BTBD10: variants seen among roughly 807,000 people sequenced by gnomAD.
BTBD10 encodes the protein BTB domain containing 10, also known as BTB/POZ domain-containing protein 10.
BTBD10 carries 21 observed loss-of-function variants against 53.2 expected under a neutral mutation model. The ratio of observed to expected loss-of-function variants is 0.39; its 90% CI spans 0.28 to 0.57. The LOEUF (loss-of-function observed/expected upper bound fraction) is 0.57. BTBD10 is among the 20% of genes least tolerant of loss of function. BTBD10 has a pLI of 0.53. For missense variants in BTBD10, 360 were observed against 594.7 expected, an observed-to-expected ratio of 0.61 and a Z score of 4.10; for synonymous variants, 149 against 192.7, an observed-to-expected ratio of 0.77 and a Z score of 1.88.
At chr11:13,408,736 C>G (rs751305105) in intron 6 of BTBD10, among the ~76,000 whole-genome samples, 17 of 152,198 alleles carry the variant, frequency 1.1e-4, no homozygotes, top group Non-Finnish European at 1.9e-4. Context: ...GTAATCTGAA[C>G]ATCCCATATA....
intron 2 of BTBD10, among the ~76,000 whole-genome samples, chr11:13,424,938 G>A (rs940806135): frequency 1.3e-5 from 2 of 152,162 alleles, no homozygotes; most frequent in Non-Finnish European, 2.9e-5. Context: ...CTGAGTGAAA[G>A]ACATGGAGCT....
Position 13,388,148 on chromosome 11 carries a change from CTG to C in BTBD10, c.*681_*682del, listed in dbSNP as rs1179544210. On this transcript the variant is annotated 3_prime_UTR_variant, in exon 9 of 9. Transcript: ENST00000278174. The stretch of plus-strand genomic sequence containing the variant: ...AAAAAAAGCATTAGTAAATAAATAT[CTG>C]TGAACAGATTAAGGGTAAGGCAGAC... The C allele has an allele frequency of 2.0e-5, 3 of 152,690 alleles. No individual in the cohort carries two copies. Among genetic ancestry groups the C allele is most frequent in the African/African-American group, 7.2e-5 (3 of 41,540 alleles). The allele number at this position is 152,690 out of a possible 1,614,324, so 9.5% of individuals were successfully genotyped here.
At chr11:13,419,903 T>C (rs901929310) in intron 3 of BTBD10, among the ~76,000 whole-genome samples, 158 bp from the exon 4 acceptor site, 1 of 152,168 alleles carries the variant, frequency 6.6e-6, no homozygotes, top group Non-Finnish European at 1.5e-5. Context: ...ACCATAAACA[T>C]TCATTTAGTT....
At chr11:13,399,473 T>C (rs574812007) in intron 8 of BTBD10, among the ~76,000 whole-genome samples, 47 of 152,334 alleles carry the variant, frequency 3.1e-4, no homozygotes, top group African/African-American at 1.1e-3. Context: ...AGTTTTTAAC[T>C]TCTTTGCCAT....
At chr11:13,443,245 A>G (rs1041321439) in intron 2 of BTBD10, among the ~76,000 whole-genome samples, 2 of 151,090 alleles carry the variant, frequency 1.3e-5, no homozygotes, top group Non-Finnish European at 2.9e-5. Flanking sequence ...GTGAGAACCC[A>G]TTTCAAAAAA....
chr11:13,397,854 G>A (rs938464828), intron 8 of BTBD10, among the ~76,000 whole-genome samples: 1 of 152,216 alleles, frequency 6.6e-6, no homozygotes, highest in African/African-American at 2.4e-5. Context: ...GAGTGGTTTT[G>A]AGTGAGTTTC....
At chr11:13,449,892 T>C (rs1426778756) in intron 1 of BTBD10, among the ~76,000 whole-genome samples, 1 of 152,180 alleles carries the variant, frequency 6.6e-6, no homozygotes, top group Non-Finnish European at 1.5e-5. Context: ...CATGACTCAA[T>C]CAGCATTTAT....
chr11:13,435,271 T>C (rs1950526141), intron 2 of BTBD10, among the ~76,000 whole-genome samples: 2 of 152,176 alleles, frequency 1.3e-5, no homozygotes, highest in East Asian at 1.9e-4. Context: ...TAGTCATTCA[T>C]TCAACAAATA....
intron 2 of BTBD10, among the ~76,000 whole-genome samples, chr11:13,424,204 T>C (rs1950294350): frequency 6.6e-6 from 1 of 152,174 alleles, no homozygotes; most frequent in Admixed American, 6.5e-5. Flanking sequence ...AGTCTGGTAA[T>C]TTAATGGACA....
At chr11:13,423,727 T>C (rs541264865) in intron 2 of BTBD10, among the ~76,000 whole-genome samples, 9 of 152,322 alleles carry the variant, frequency 5.9e-5, no homozygotes, top group Non-Finnish European at 1.0e-4. Flanking sequence ...AGCTTTAATA[T>C]TTTTTGTTAT....
At chr11:13,405,070 A>C in intron 7 of BTBD10, among the ~76,000 whole-genome samples, 1 of 152,106 alleles carries the variant, frequency 6.6e-6, no homozygotes, top group Non-Finnish European at 1.5e-5. Flanking sequence ...AAAAAATAAC[A>C]AAAAAATAAG....
intron 2 of BTBD10, among the ~76,000 whole-genome samples, chr11:13,425,192 C>T (rs571299204): frequency 8.9e-4 from 136 of 152,252 alleles, no homozygotes; most frequent in Middle Eastern, 3.4e-3. Flanking sequence ...CTGGTTCAGA[C>T]TGGAAAGCCT....
chr11:13,452,191 T>A (rs889457188), intron 1 of BTBD10, among the ~76,000 whole-genome samples: 1 of 152,180 alleles, frequency 6.6e-6, no homozygotes, highest in African/African-American at 2.4e-5. Context: ...AAGCATTAGA[T>A]AAGTGAAAGA....
At chr11:13,457,433 G>A (rs1037154926) in intron 1 of BTBD10, among the ~76,000 whole-genome samples, 59 of 151,992 alleles carry the variant, frequency 3.9e-4, no homozygotes, top group African/African-American at 1.4e-3. Context: ...ATAGAATAAC[G>A]GATTAATATC....
At chr11:13,399,339 C>T (rs7937394) in intron 8 of BTBD10, among the ~76,000 whole-genome samples, 99 of 152,286 alleles carry the variant, frequency 6.5e-4, no homozygotes, top group African/African-American at 2.3e-3. Flanking sequence ...TTGATCGCAT[C>T]GGCTACTGAG....
chr11:13,395,971 G>A (rs556451755), intron 8 of BTBD10, among the ~76,000 whole-genome samples: 2 of 152,102 alleles, frequency 1.3e-5, no homozygotes, highest in South Asian at 2.1e-4. Context: ...GTCAGGTAGC[G>A]TGATGCCTCC....
At chr11:13,403,542 A>AT (rs55642081) in intron 7 of BTBD10, among the ~76,000 whole-genome samples, 152,302 of 152,302 alleles carry the variant, frequency 1, 76,151 homozygotes, top group Non-Finnish European at 1. Context: ...CTTCTGAAAG[A>AT]ACATCATCTA....
chr11:13,448,996 A>G (rs78070016), intron 1 of BTBD10, among the ~76,000 whole-genome samples: 5,190 of 152,286 alleles, frequency 0.034, 286 homozygotes, highest in African/African-American at 0.12. Flanking sequence ...TCATCTGTAC[A>G]GAGGCTGGAA....
At chr11:13,429,509 A>C (rs1320122965) in intron 2 of BTBD10, among the ~76,000 whole-genome samples, 1 of 152,090 alleles carries the variant, frequency 6.6e-6, no homozygotes, top group Non-Finnish European at 1.5e-5. Context: ...TGGACAACTC[A>C]TTTTCAACAA....
Sources: allele counts gnomAD v4.1 joint callset (sites outside exome capture counted in the v4.1 genomes callset), GRCh38; gene constraint gnomAD v4.1.1; transcripts MANE v1.5; gene names NCBI Gene and HGNC (gene_info 2026-07-23, HGNC 2026-07-21).